KDM6A: variants seen among roughly 807,000 people sequenced by gnomAD.
KDM6A encodes lysine-specific demethylase 6A.
A neutral mutation model predicts 117.6 loss-of-function variants in KDM6A; 11 were observed. The ratio of observed to expected loss-of-function variants is 0.09; its 90% CI spans 0.06 to 0.15. KDM6A has a LOEUF of 0.15. KDM6A is among the 10% of genes least tolerant of loss of function. KDM6A has a pLI of 1.00. For synonymous variants in KDM6A, 384 were observed against 396.1 expected (o/e 0.97, Z 0.36); for missense variants, 799 against 1,077.3 (o/e 0.74, Z 3.62).
chrX:44,898,467 G>C (rs902341654), intron 2 of KDM6A, among the ~76,000 whole-genome samples: 22 of 111,619 alleles, frequency 2.0e-4, no homozygotes, highest in Non-Finnish European at 1.1e-4. Flanking sequence ...GTTGATGGCT[G>C]GGTAGGGGTG....
intron 4 of KDM6A, among the ~76,000 whole-genome samples, chrX:44,988,916 C>T (rs1569506341): frequency 1.8e-5 from 2 of 110,249 alleles, no homozygotes; most frequent in Non-Finnish European, 3.8e-5. Context: ...CTGGGAGAAC[C>T]ACTGCTGTCT....
At chrX:45,109,995 CA>C (rs1242681466) in intron 28 of KDM6A, 83 bp from the exon 29 acceptor site, 1 of 905,418 alleles carries the variant, frequency 1.1e-6, no homozygotes, top group Non-Finnish European at 1.6e-6. Flanking sequence ...CAATTTCATT[CA>C]AGTAGAATTC....
chrX:45,000,849 T>G (rs938034559), intron 4 of KDM6A, among the ~76,000 whole-genome samples: 1 of 112,656 alleles, frequency 8.9e-6, no homozygotes, highest in African/African-American at 3.2e-5. Context: ...AGAGCTACCA[T>G]GCAGCCCACA....
At chrX:45,033,837 G>A (rs1225044559) in intron 6 of KDM6A, among the ~76,000 whole-genome samples, 4 of 110,772 alleles carry the variant, frequency 3.6e-5, no homozygotes, top group African/African-American at 1.3e-4. Context: ...ACAGTCGTGA[G>A]CCACCGCACC....
At chrX:44,965,457 G>A (rs1404143243) in intron 3 of KDM6A, among the ~76,000 whole-genome samples, 3 of 111,900 alleles carry the variant, frequency 2.7e-5, no homozygotes, top group African/African-American at 6.5e-5. Flanking sequence ...TGAGAGATGC[G>A]TAACTCTTTC....
chrX:44,912,356 TG>T (rs1197007234), intron 2 of KDM6A, among the ~76,000 whole-genome samples: 1 of 111,615 alleles, frequency 9.0e-6, no homozygotes, highest in Non-Finnish European at 1.9e-5. Flanking sequence ...CCCAAAGTGC[TG>T]GAACTACAGG....
chrX:45,007,849 A>G (rs1395690142), intron 4 of KDM6A, among the ~76,000 whole-genome samples: 1 of 112,280 alleles, frequency 8.9e-6, no homozygotes, highest in Non-Finnish European at 1.9e-5. Flanking sequence ...TAAATTGCTT[A>G]TTCTCTGATG....
rs1324811841 is a variant in KDM6A at position 45,053,932 on chromosome X, C to A, written c.852C>A (p.Gly284=). The change falls in exon 10 of 30, where the codon GGC becomes GGA. Residue 284 remains glycine, a synonymous_variant. Transcript: ENST00000611820. ...QKSLEADPNS[G]QSWYFLGRCY... ...CCTTGGAAGCAGATCCTAATTCTGG[C>A]CAGTCCTGGTATTTCCTCGGAAGGT... 2 of 1,208,577 alleles carry A rather than the reference C, an allele frequency of 1.7e-6. No individual in the cohort carries two copies. Among genetic ancestry groups the A allele is most frequent in the Admixed American group, 4.3e-5 (2 of 46,001 alleles).
intron 1 of KDM6A, 61 bp from the exon 2 acceptor site, chrX:44,873,863 G>A (rs2146446939): frequency 8.5e-7 from 1 of 1,169,628 alleles, no homozygotes; most frequent in Admixed American, 2.2e-5. Flanking sequence ...TCGGGCTCGG[G>A]CAGGGACGGG....
chrX:44,889,110 G>T (rs1254253282), intron 2 of KDM6A, among the ~76,000 whole-genome samples: 3 of 111,861 alleles, frequency 2.7e-5, no homozygotes, highest in Non-Finnish European at 3.8e-5. Context: ...CTGCCTCCCG[G>T]ATTCAAGCGA....
chrX:44,919,885 C>G (rs1306879605), intron 2 of KDM6A, among the ~76,000 whole-genome samples: 1 of 111,760 alleles, frequency 8.9e-6, no homozygotes, highest in Non-Finnish European at 1.9e-5. Flanking sequence ...GCTGGGATTA[C>G]AGGCGTGAGC....
intron 4 of KDM6A, among the ~76,000 whole-genome samples, chrX:44,997,176 G>T (rs1015838796): frequency 6.2e-5 from 7 of 112,485 alleles, no homozygotes; most frequent in Non-Finnish European, 1.1e-4. Context: ...ATACCTTGTC[G>T]CAAGGACAGA....
rs946269844 is a variant in KDM6A at position 45,069,361 on chromosome X, T to A, written c.2080-218T>A. Among the ~76,000 whole-genome samples the A allele has an allele frequency of 7.1e-5, 8 of 111,951 alleles. No individual in the cohort carries two copies. In the Admixed American group the frequency reaches 7.6e-4, roughly 11 times the overall value. Reference sequence around the variant, plus strand: ...GAAGTAGTTTATTCTACACTAATAATGGAGTCATTTTAGATAGCAAGGAAG... The same window carrying A: ...GAAGTAGTTTATTCTACACTAATAAAGGAGTCATTTTAGATAGCAAGGAAG... On this transcript the variant is annotated intron_variant, in intron 17 of 29. Coordinates refer to ENST00000611820, the MANE Select transcript of KDM6A (RefSeq NM_001291415.2).
chrX:45,059,117 A>G lies in KDM6A; in HGVS notation c.974+13A>G, dbSNP rs937547486. ...GGTGTTCAATAGGGTAAGCCTTTGT[A>G]TAAAAATAGTAGTAATTTAATTGAT... On this transcript the variant is annotated intron_variant, in intron 11 of 29. Coordinates refer to ENST00000611820, the MANE Select transcript of KDM6A (RefSeq NM_001291415.2). 1.7e-6 allele frequency: 2 copies of G among 1,191,081 alleles called. No individual in the cohort carries two copies. The highest frequency in any genetic ancestry group is 3.0e-5 in the East Asian group (1 of 33,690).
chrX:44,896,085 T>C (rs2033825389), intron 2 of KDM6A, among the ~76,000 whole-genome samples: 1 of 107,641 alleles, frequency 9.3e-6, no homozygotes, highest in Admixed American at 1.0e-4. Flanking sequence ...ATTTTTTTTT[T>C]TTTTTTGAGA....
chrX:44,948,643 T>A (rs1311973074), intron 2 of KDM6A, among the ~76,000 whole-genome samples: 2 of 111,930 alleles, frequency 1.8e-5, no homozygotes, highest in Non-Finnish European at 3.8e-5. Flanking sequence ...CATCAAAAAC[T>A]CTGTAAAGAA....
In KDM6A at chrX:45,037,867, A is replaced by G. The variant is rs146756851; in HGVS notation, c.654+178A>G. ...GATCAAGATGCTGCTTAGTAAAACA[A>G]TTATTCCAAGGAGTGCTTGCTGTGT... On this transcript the variant is annotated intron_variant, in intron 8 of 29. Transcript: ENST00000611820. Among the ~76,000 whole-genome samples, 14 of 112,102 alleles carry G rather than the reference A, an allele frequency of 1.2e-4. No homozygotes were observed. In the South Asian group the frequency reaches 1.5e-3, roughly 12 times the overall value.
At chrX:45,076,456 A>G (rs1266579504) in intron 18 of KDM6A, among the ~76,000 whole-genome samples, 1 of 111,096 alleles carries the variant, frequency 9.0e-6, no homozygotes, top group Non-Finnish European at 1.9e-5. Context: ...AAGGAATGTC[A>G]TCAATAATTT....
chrX:45,020,743 G>GT lies in KDM6A; in HGVS notation c.564+19dup. On this transcript the variant is annotated intron_variant, in intron 6 of 29. Transcript: ENST00000611820. ...GTCTAGTTTAAAGGTAGGTTGTTGG[G>GT]TTTTTTCAAGATACAATGTTTAATT... 3.3e-6 allele frequency: 4 copies of GT among 1,202,385 alleles called. No individual in the cohort carries two copies. Among genetic ancestry groups the GT allele is most frequent in the Non-Finnish European group, 4.5e-6 (4 of 888,806 alleles).
Sources: gnomAD v4.1 joint callset for allele counts (sites outside exome capture counted in the v4.1 genomes callset) on GRCh38, gnomAD v4.1.1 for gene constraint, MANE v1.5 for transcripts, NCBI Gene and HGNC (gene_info 2026-07-23, HGNC 2026-07-21) for gene names.